The following ABCA13 variants were observed in gnomAD, a reference collection of about 807,000 sequenced individuals.
ABCA13 encodes the protein ATP-binding cassette sub-family A member 13.
In ABCA13, 476 loss-of-function variants were observed where a neutral mutation model predicts 478.7. The ratio of observed to expected loss-of-function variants is 0.99; its 90% CI spans 0.92 to 1.07. ABCA13 has a LOEUF of 1.07. ABCA13 is among the 50% of genes least tolerant of loss of function. The pLI, the probability that ABCA13 is intolerant of heterozygous loss-of-function variation, is 0.00. For missense variants in ABCA13, 6,060 were observed against 5,910.6 expected, an observed-to-expected ratio of 1.03 and a Z score of -0.83; for synonymous variants, 2,252 against 2,158.9, an observed-to-expected ratio of 1.04 and a Z score of -1.20.
intron 31 of ABCA13, among the ~76,000 whole-genome samples, chr7:48,354,333 T>A (rs1809546779): frequency 6.6e-6 from 1 of 151,942 alleles, no homozygotes; most frequent in Non-Finnish European, 1.5e-5. Flanking sequence ...CACTCTGACA[T>A]AGGATATTTC....
chr7:48,617,648 C>T (rs1792717910), intron 59 of ABCA13, among the ~76,000 whole-genome samples: 1 of 152,098 alleles, frequency 6.6e-6, no homozygotes, highest in East Asian at 1.9e-4. Context: ...GCAATGAGAG[C>T]CTAGTGGAGT....
intron 39 of ABCA13, among the ~76,000 whole-genome samples, chr7:48,405,294 C>A (rs779903697): frequency 2.6e-5 from 4 of 152,232 alleles, no homozygotes; most frequent in Non-Finnish European, 5.9e-5. Flanking sequence ...GTCCAAGCTA[C>A]AAATGCCAAG....
chr7:48,629,711 T>A (rs1403153332), intron 59 of ABCA13, among the ~76,000 whole-genome samples: 1 of 151,772 alleles, frequency 6.6e-6, no homozygotes, highest in African/African-American at 2.4e-5. Flanking sequence ...TCCCTTGTCA[T>A]CCTGGGATTG....
At chr7:48,643,430 G>A in intron 60 of ABCA13, 37 bp downstream of exon 60, 1 of 1,488,922 alleles carries the variant, frequency 6.7e-7, no homozygotes, top group South Asian at 1.2e-5. Context: ...TTTGTTTTCA[G>A]CTAAAAAAAA....
intron 59 of ABCA13, among the ~76,000 whole-genome samples, chr7:48,638,537 G>C (rs6969077): frequency 6.6e-6 from 1 of 152,138 alleles, no homozygotes; most frequent in Non-Finnish European, 1.5e-5. Context: ...GTTGTTATTT[G>C]TCAAAGGCTC....
At chr7:48,202,039 T>A (rs1240766326) in intron 3 of ABCA13, among the ~76,000 whole-genome samples, 1 of 152,144 alleles carries the variant, frequency 6.6e-6, no homozygotes, top group Non-Finnish European at 1.5e-5. Flanking sequence ...CTCGCTGGTA[T>A]CAGGAGTGAA....
At chr7:48,368,576 A>G (rs1049038135) in intron 32 of ABCA13, among the ~76,000 whole-genome samples, 1 of 151,206 alleles carries the variant, frequency 6.6e-6, no homozygotes, top group East Asian at 2.0e-4. Flanking sequence ...TGCATTCCTG[A>G]GTTACTTCGC....
intron 55 of ABCA13, among the ~76,000 whole-genome samples, chr7:48,551,526 C>G (rs187766147): frequency 6.6e-6 from 1 of 151,486 alleles, no homozygotes; most frequent in African/African-American, 2.4e-5. Context: ...TCTCTTCAGT[C>G]TTGATAATGT....
At chr7:48,331,154 A>G (rs1805340851) in intron 27 of ABCA13, among the ~76,000 whole-genome samples, 2 of 152,232 alleles carry the variant, frequency 1.3e-5, no homozygotes, top group Admixed American at 1.3e-4. Flanking sequence ...TTGTGCTATG[A>G]CCTAGTCACA....
chr7:48,179,799 CCTT>C (rs1242636648), intron 1 of ABCA13, among the ~76,000 whole-genome samples: 7 of 152,322 alleles, frequency 4.6e-5, no homozygotes, highest in Middle Eastern at 3.4e-3. Flanking sequence ...CACACTCTCT[CCTT>C]CTTCATTTTG....
At chr7:48,378,792 C>G (rs1302705427) in intron 35 of ABCA13, among the ~76,000 whole-genome samples, 4 of 152,152 alleles carry the variant, frequency 2.6e-5, no homozygotes, top group African/African-American at 9.7e-5. Flanking sequence ...ACGGATGTAC[C>G]TTTTCTAGGG....
intron 43 of ABCA13, among the ~76,000 whole-genome samples, chr7:48,456,794 A>G (rs1361959834): frequency 6.7e-6 from 1 of 148,418 alleles, no homozygotes; most frequent in Non-Finnish European, 1.5e-5. Context: ...GGGCATATAA[A>G]GGTTTATTTA....
intron 55 of ABCA13, among the ~76,000 whole-genome samples, chr7:48,577,661 T>C (rs1411694760): frequency 6.6e-6 from 1 of 152,118 alleles, no homozygotes; most frequent in African/African-American, 2.4e-5. Flanking sequence ...AAGAAAGAAA[T>C]GATATCAATT....
At chr7:48,192,846 A>C (rs1324219625) in intron 1 of ABCA13, 113 bp from the exon 2 acceptor site, 3 of 796,654 alleles carry the variant, frequency 3.8e-6, no homozygotes, top group Non-Finnish European at 5.9e-6. Flanking sequence ...CCTGTCCCAA[A>C]TGACTGTTCT....
Position 48,193,035 on chromosome 7 carries a change from C to T in ABCA13, c.146C>T (p.Pro49Leu), listed in dbSNP as rs1318638910. The T allele has an allele frequency of 1.3e-6, 2 of 1,533,552 alleles. No homozygotes were observed. Among genetic ancestry groups the T allele is most frequent in the Admixed American group, 2.0e-5 (1 of 50,758 alleles). 95.0% of individuals were successfully genotyped at this position (1,533,552 alleles called of 1,614,324 possible). A position where few individuals can be genotyped will look rare whatever the true frequency, so the allele number is the denominator to read the frequency against. ...ACAGTTCTTCGTTTTCAAGAACCTC[C>T]CAGATACAGAGACATTTGTAAGTTT... ...ILTVLRFQEP[P>L]RYRDICYLQP... is the part of the protein sequence containing the mutation. The change falls in exon 2 of 62, where the codon CCC (proline) becomes CTC (leucine). Residue 49 changes from proline to leucine, a missense_variant. By Grantham distance (98) the Pro-to-Leu change is moderately conservative. Coordinates refer to ENST00000435803, the MANE Select transcript of ABCA13 (RefSeq NM_152701.5).
At position 48,276,140 on chromosome 7, in the gene ABCA13, A is replaced by G. The variant is rs371452879; in HGVS notation, c.6474A>G (p.Ile2158Met). 4.8e-5 allele frequency: 77 copies of G among 1,596,464 alleles called. 2 individuals carry two copies. The African/African-American group carries it at 9.6e-4, about 20-fold the overall frequency. ...CCAATGAGAGTTCAACTGAAGATAT[A>G]GCTTTGTTAGCCAAAGCTATTGCTA... ...PVTNESSTED[I>M]ALLAKAIATF... The change falls in exon 17 of 62, where the codon ATA becomes ATG. Residue 2158 changes from isoleucine to methionine, a missense_variant. This residue lies in a region of ABCA13 where 4,423 missense variants were observed against 4,309.1 expected (regional missense o/e 1.03). Transcript: ENST00000435803.
intron 41 of ABCA13, among the ~76,000 whole-genome samples, chr7:48,419,649 G>A (rs192453356): frequency 3.1e-4 from 47 of 152,284 alleles, no homozygotes; most frequent in Admixed American, 2.9e-3. Context: ...AACAGAACAA[G>A]TTGTTCAATT....
intron 23 of ABCA13, among the ~76,000 whole-genome samples, chr7:48,303,272 C>T (rs148284350): frequency 7.9e-5 from 12 of 151,890 alleles, no homozygotes; most frequent in Admixed American, 7.9e-4. Flanking sequence ...GCAAAACCTC[C>T]CGTTCTGTAG....
chr7:48,305,706 A>G (rs866633528), intron 23 of ABCA13, among the ~76,000 whole-genome samples: 2 of 152,170 alleles, frequency 1.3e-5, no homozygotes, highest in Non-Finnish European at 2.9e-5. Flanking sequence ...CCAATAAACA[A>G]AGCTCTTGCT....
Sources: allele counts gnomAD v4.1 joint callset (sites outside exome capture counted in the v4.1 genomes callset), GRCh38; gene constraint gnomAD v4.1.1; regional missense constraint gnomAD v4.1.1; transcripts MANE v1.5; gene names NCBI Gene and HGNC (gene_info 2026-07-23, HGNC 2026-07-21).